ATRNL1: variants seen among roughly 807,000 people sequenced by gnomAD.
The protein encoded by ATRNL1 is attractin like 1, also known as attractin-like protein 1.
A neutral mutation model predicts 182.7 loss-of-function variants in ATRNL1; 95 were observed. The ratio of observed to expected loss-of-function variants is 0.52; its 90% confidence interval spans 0.44 to 0.62. The LOEUF (loss-of-function observed/expected upper bound fraction) is 0.62, where lower values mean the gene tolerates loss of function less well. ATRNL1 is among the 20% of genes least tolerant of loss of function. The pLI is 0.00. For synonymous variants in ATRNL1, 576 were observed against 568.3 expected, an observed-to-expected ratio of 1.01 and a Z score of -0.19; for missense variants, 1,471 against 1,679.5, an observed-to-expected ratio of 0.88 and a Z score of 2.17.
chr10:115,637,401 A>G (rs1193978188), intron 26 of ATRNL1, among the ~76,000 whole-genome samples: 1 of 152,208 alleles, frequency 6.6e-6, no homozygotes, highest in East Asian at 1.9e-4. Context: ...TTTTTTAAAA[A>G]AACTTTAAAA....
Position 115,879,726 on chromosome 10 carries a change from G to GT in ATRNL1, c.4018+31743dup, listed in dbSNP as rs200236245. On this transcript the variant is annotated intron_variant, in intron 28 of 28. Transcript: ENST00000355044. ...AGATTGTAAATGATAATCACTGTGA[G>GT]TTTTTTTTAAGGGAATACTAGAGAT... Among the ~76,000 whole-genome samples, 1,118 of 152,166 alleles carry GT rather than the reference G, an allele frequency of 7.3e-3. 15 individuals are homozygous for GT. Among genetic ancestry groups the GT allele is most frequent in the African/African-American group, 0.026 (1,063 of 41,522 alleles).
intron 19 of ATRNL1, among the ~76,000 whole-genome samples, chr10:115,348,061 C>T (rs770358740): frequency 9.2e-5 from 14 of 152,288 alleles, no homozygotes; most frequent in East Asian, 1.9e-4. Context: ...GCAACCCCAG[C>T]CTCCCGGGTT....
intron 8 of ATRNL1, among the ~76,000 whole-genome samples, chr10:115,201,468 C>A (rs1217392652): frequency 3.3e-5 from 5 of 152,098 alleles, no homozygotes; most frequent in East Asian, 1.9e-4. Flanking sequence ...GTTTTCCCAG[C>A]ACCATTTATT....
intron 28 of ATRNL1, among the ~76,000 whole-genome samples, chr10:115,865,537 A>ATAAAATTG (rs754900570): frequency 4.5e-4 from 69 of 152,164 alleles, no homozygotes; most frequent in Non-Finnish European, 4.0e-4. Flanking sequence ...TTATATATGT[A>ATAAAATTG]TGTGTATCTC....
intron 26 of ATRNL1, among the ~76,000 whole-genome samples, chr10:115,629,736 C>T (rs564078801): frequency 6.6e-6 from 1 of 152,146 alleles, no homozygotes. Flanking sequence ...TTTCTGTGAG[C>T]TCATCATTTC....
intron 12 of ATRNL1, 26 bp from the exon 13 acceptor site, chr10:115,268,300 T>G (rs1554911536): frequency 4.6e-6 from 6 of 1,305,068 alleles, no homozygotes; most frequent in Middle Eastern, 1.8e-4. Context: ...TCCGTGCTGA[T>G]ATATCGTCCC....
intron 1 of ATRNL1, among the ~76,000 whole-genome samples, chr10:115,109,014 T>C (rs1478941905): frequency 6.6e-6 from 1 of 152,124 alleles, no homozygotes; most frequent in African/African-American, 2.4e-5. Context: ...GAGTTCCCTT[T>C]ACTCTCCACA....
intron 10 of ATRNL1, among the ~76,000 whole-genome samples, chr10:115,249,843 G>C (rs1850800399): frequency 6.6e-6 from 1 of 152,076 alleles, no homozygotes; most frequent in Admixed American, 6.6e-5. Flanking sequence ...AATAACCTAA[G>C]TGCTCCAGAA....
intron 27 of ATRNL1, among the ~76,000 whole-genome samples, chr10:115,745,910 A>G (rs1216714715): frequency 6.6e-6 from 1 of 152,194 alleles, no homozygotes; most frequent in African/African-American, 2.4e-5. Flanking sequence ...AATATGTAAT[A>G]TGTGCTTAAA....
intron 10 of ATRNL1, among the ~76,000 whole-genome samples, chr10:115,245,422 C>G (rs528018494): frequency 2.1e-4 from 32 of 149,752 alleles, no homozygotes; most frequent in Non-Finnish European, 3.5e-4. Flanking sequence ...TCGCTTGTAC[C>G]CTGGAGGTGG....
intron 27 of ATRNL1, among the ~76,000 whole-genome samples, chr10:115,802,039 C>T (rs1487378743): frequency 1.5e-5 from 1 of 66,650 alleles, no homozygotes; most frequent in Non-Finnish European, 3.3e-5. Context: ...CACACACACA[C>T]ACACACAAAA....
At chr10:115,762,576 G>C (rs568960723) in intron 27 of ATRNL1, among the ~76,000 whole-genome samples, 1 of 152,076 alleles carries the variant, frequency 6.6e-6, no homozygotes, top group Non-Finnish European at 1.5e-5. Flanking sequence ...ACTGAAATCT[G>C]CCATGTAATT....
At chr10:115,401,104 T>C (rs2134302840) in intron 20 of ATRNL1, among the ~76,000 whole-genome samples, 1 of 152,128 alleles carries the variant, frequency 6.6e-6, no homozygotes, top group African/African-American at 2.4e-5. Context: ...TAGCACCCCC[T>C]AGAACTTCAT....
chr10:115,219,652 C>A (rs782793742), intron 9 of ATRNL1, among the ~76,000 whole-genome samples: 13 of 152,146 alleles, frequency 8.5e-5, no homozygotes, highest in Non-Finnish European at 1.5e-5. Flanking sequence ...CCTGTGATGC[C>A]AGCACTTTGT....
intron 28 of ATRNL1, among the ~76,000 whole-genome samples, chr10:115,888,666 A>G (rs1952009455): frequency 6.6e-6 from 1 of 152,204 alleles, no homozygotes. Flanking sequence ...GTATTAATCA[A>G]CGTAAGTAAC....
chr10:115,300,037 G>A lies in ATRNL1; in HGVS notation c.2419G>A (p.Val807Ile). 1 of 1,608,126 alleles carries A rather than the reference G, an allele frequency of 6.2e-7. No individual in the cohort carries two copies. The highest frequency in any genetic ancestry group is 1.1e-5 in the South Asian group (1 of 90,526). The stretch of plus-strand genomic sequence containing the variant: ...CCCCTTTTCCTGTTGTTTACAGAAA[G>A]TATCACCTTGGGTAGGCTTGCGCAA... ...DEIQKYTQQK[V>I]SPWVGLRKIN... Residue 807 changes from valine to isoleucine, a missense_variant, in exon 16 of 29, where the codon GTA becomes ATA. Val to Ile is a conservative substitution (Grantham distance 29). Transcript: ENST00000355044.
At chr10:115,240,725 A>G (rs1850384306) in intron 9 of ATRNL1, among the ~76,000 whole-genome samples, 1 of 152,012 alleles carries the variant, frequency 6.6e-6, no homozygotes, top group African/African-American at 2.4e-5. Flanking sequence ...ATATTTATTT[A>G]TATTGTCATG....
intron 26 of ATRNL1, among the ~76,000 whole-genome samples, chr10:115,664,473 T>A (rs1276851641): frequency 2.0e-5 from 3 of 152,186 alleles, no homozygotes; most frequent in African/African-American, 7.2e-5. Flanking sequence ...GAAAAGAAAA[T>A]ATTTGTGTTC....
Position 115,815,133 on chromosome 10 carries a change from G to A in ATRNL1, c.3904-32744G>A, listed in dbSNP as rs147854282. Among the ~76,000 whole-genome samples, 51 of 152,220 alleles carry A rather than the reference G, an allele frequency of 3.4e-4. No homozygotes were observed. The East Asian group carries it at 8.1e-3, about 24-fold the overall frequency. ...ACAAAATTAATCCTAGGTGATGGTA[G>A]TATGAAATGCATAGTTTATTTCTAT... On this transcript the variant is annotated intron_variant, in intron 27 of 28. Transcript: ENST00000355044.
Sources: gnomAD v4.1 joint callset for allele counts (sites outside exome capture counted in the v4.1 genomes callset) on GRCh38, gnomAD v4.1.1 for gene constraint, MANE v1.5 for transcripts, NCBI Gene and HGNC (gene_info 2026-07-23, HGNC 2026-07-21) for gene names.